NOMO1: variants seen among roughly 807,000 people sequenced by gnomAD.
NOMO1 encodes NODAL modulator 1, also known as nodal modulator 3.
Under a neutral mutation model 133.8 loss-of-function variants are expected in NOMO1, and 40 were observed. That is an observed-to-expected ratio of 0.30 (90% CI 0.23 to 0.39). The LOEUF is 0.39. Ranked by LOEUF, NOMO1 falls within the 10% of genes least tolerant of loss-of-function variation. The pLI is 1.00. For synonymous variants in NOMO1, 236 were observed against 570.5 expected (o/e 0.41, Z 8.36); for missense variants, 462 against 1,419.9 (o/e 0.33, Z 10.84).
rs62038475 is a variant in NOMO1 at position 14,875,159 on chromosome 16, T to C, written c.2178T>C (p.Asn726=). The C allele has an allele frequency of 2.5e-6, 4 of 1,591,890 alleles. No individual in the cohort carries two copies. The South Asian group carries it at 4.4e-5, about 18-fold the overall frequency. ...ARRQEREKNG[N]EEGEERMTKP... ...GGCAGGAGAGGGAGAAAAACGGCAA[T>C]GAGGAAGGCGAAGAAAGAATGACCA... is the stretch of plus-strand genomic sequence containing the variant. The change falls in exon 19 of 31, where the codon AAT becomes AAC. Residue 726 remains asparagine, a synonymous_variant. Coordinates refer to ENST00000287667, the MANE Select transcript of NOMO1 (RefSeq NM_014287.4).
chr16:14,856,766 G>C (rs2561961), intron 9 of NOMO1, among the ~76,000 whole-genome samples: 2 of 151,860 alleles, frequency 1.3e-5, no homozygotes, highest in African/African-American at 4.9e-5. Flanking sequence ...ACAGGAGGGG[G>C]CACGTGAGAC....
intron 6 of NOMO1, among the ~76,000 whole-genome samples, chr16:14,849,548 A>T: frequency 8.0e-6 from 1 of 125,300 alleles, no homozygotes; most frequent in African/African-American, 3.0e-5. Flanking sequence ...AGGAAATATG[A>T]TTTTAAATAC....
At chr16:14,860,550 G>T (rs1597100686) in intron 11 of NOMO1, among the ~76,000 whole-genome samples, 1 of 151,978 alleles carries the variant, frequency 6.6e-6, no homozygotes, top group South Asian at 2.1e-4. Flanking sequence ...TAGTGGCCGG[G>T]CCCAGGCGGC....
At chr16:14,860,422 A>G (rs1963906708) in intron 11 of NOMO1, among the ~76,000 whole-genome samples, 1 of 150,716 alleles carries the variant, frequency 6.6e-6, no homozygotes. Flanking sequence ...GGATCATGGT[A>G]CTTTAAAAAG....
In NOMO1 at chr16:14,875,063, G is replaced by A. The variant is rs1159487151; in HGVS notation, c.2082G>A (p.Leu694=). ...CTTCCATCGACAGTGAACCCGCCTT[G>A]GTCTTAGGCCCTCTGAAGTCTGTGC... is the stretch of plus-strand genomic sequence containing the variant. ...IKSSIDSEPA[L]VLGPLKSVQE... is the part of the protein sequence containing the mutation. The change falls in exon 19 of 31, where the codon TTG becomes TTA. Residue 694 remains leucine, a synonymous_variant. Transcript: ENST00000287667. 3 of 1,613,710 alleles carry A rather than the reference G, an allele frequency of 1.9e-6. No individual in the cohort carries two copies. The highest frequency in any genetic ancestry group is 2.5e-6 in the Non-Finnish European group (3 of 1,179,862).
rs1964167296 is a variant in NOMO1, at chr16:14,876,726, T to C, written c.2579T>C (p.Leu860Pro). ...TVTSQKEGYV[L>P]TAVEGTIGDF... is the part of the protein sequence containing the mutation. Reference sequence around the variant, plus strand: ...ACCTCACAGAAGGAGGGCTATGTTCTGACTGCGGTGGAAGGAACCATCGGA... The same window carrying C: ...ACCTCACAGAAGGAGGGCTATGTTCCGACTGCGGTGGAAGGAACCATCGGA... Residue 860 changes from leucine to proline, a missense_variant, in exon 22 of 31, where the codon CTG becomes CCG. Coordinates refer to ENST00000287667, the MANE Select transcript of NOMO1 (RefSeq NM_014287.4). The C allele has an allele frequency of 6.2e-7, 1 of 1,610,898 alleles. No homozygotes were observed.
chr16:14,856,248 G>T (rs1186576708), intron 9 of NOMO1, among the ~76,000 whole-genome samples: 2 of 151,892 alleles, frequency 1.3e-5, no homozygotes, highest in Non-Finnish European at 2.9e-5. Flanking sequence ...TACTAAAATG[G>T]GTTAGCAGTG....
At chr16:14,854,355 G>A (rs1308858603) in intron 9 of NOMO1, among the ~76,000 whole-genome samples, 2 of 130,160 alleles carry the variant, frequency 1.5e-5, no homozygotes, top group East Asian at 4.6e-4. Context: ...TTTTTTTTAA[G>A]ATAGGGTCTC....
chr16:14,886,930 G>A (rs979708230), intron 28 of NOMO1, 68 bp downstream of exon 28: 2 of 1,440,416 alleles, frequency 1.4e-6, no homozygotes, highest in Non-Finnish European at 1.9e-6. Context: ...GTTTAAGGAA[G>A]CACAGTTCTC....
At chr16:14,851,283 G>A (rs924137274) in intron 6 of NOMO1, among the ~76,000 whole-genome samples, 2 of 151,950 alleles carry the variant, frequency 1.3e-5, no homozygotes, top group African/African-American at 4.8e-5. Context: ...GTGACCGGAA[G>A]CAAGTGTGAG....
chr16:14,888,648 G>A (rs1399325780), intron 28 of NOMO1: 7 of 290,700 alleles, frequency 2.4e-5, no homozygotes, highest in African/African-American at 6.7e-5. Context: ...CCCTGGTGCC[G>A]TTCCAGGGAT....
intron 4 of NOMO1, among the ~76,000 whole-genome samples, chr16:14,845,484 T>TA (rs1370888595): frequency 6.6e-6 from 1 of 152,064 alleles, no homozygotes; most frequent in Non-Finnish European, 1.5e-5. Context: ...TTCTGACACT[T>TA]ACCTAGGAGG....
chr16:14,856,266 T>G (rs866040583), intron 9 of NOMO1, among the ~76,000 whole-genome samples: 3 of 151,846 alleles, frequency 2.0e-5, no homozygotes, highest in African/African-American at 7.3e-5. Flanking sequence ...GTGGTGACCT[T>G]GGGGATACAC....
rs954030887 is a variant in NOMO1 at position 14,854,375 on chromosome 16, C to G, written c.963+349C>G. Among the ~76,000 whole-genome samples the G allele has an allele frequency of 3.2e-5, 4 of 124,298 alleles. No individual in the cohort carries two copies. The Admixed American group carries it at 3.4e-4, about 10-fold the overall frequency. 81.5% of individuals were successfully genotyped at this position (124,298 alleles called of 152,430 possible). A position where few individuals can be genotyped will look rare whatever the true frequency, so the allele number is the denominator to read the frequency against. ...TTTAAGATAGGGTCTCACTGTGTGG[C>G]TCAAGCTGGAGTGCAGTGGTACGAT... is the stretch of plus-strand genomic sequence containing the variant. On this transcript the variant is annotated intron_variant, in intron 9 of 30. Coordinates refer to ENST00000287667, the MANE Select transcript of NOMO1 (RefSeq NM_014287.4).
intron 11 of NOMO1, among the ~76,000 whole-genome samples, chr16:14,860,543 TGGCCG>T (rs1286858037): frequency 6.6e-6 from 1 of 151,720 alleles, no homozygotes; most frequent in Non-Finnish European, 1.5e-5. Flanking sequence ...GATATGGTAG[TGGCCG>T]GGCCCAGGCG....
At chr16:14,856,878 G>T (rs1376855101) in intron 9 of NOMO1, among the ~76,000 whole-genome samples, 1 of 151,890 alleles carries the variant, frequency 6.6e-6, no homozygotes, top group Non-Finnish European at 1.5e-5. Context: ...GGAAGACGTG[G>T]TTCACCAAAA....
chr16:14,879,282 T>G (rs1401758512), intron 23 of NOMO1, among the ~76,000 whole-genome samples: 2 of 151,680 alleles, frequency 1.3e-5, no homozygotes, highest in African/African-American at 4.9e-5. Flanking sequence ...AAGTGTGTGT[T>G]AGTTGGTCAT....
In NOMO1 at chr16:14,878,271, A is replaced by T. The variant is rs535351633; in HGVS notation, c.2644-450A>T. Among the ~76,000 whole-genome samples the T allele has an allele frequency of 3.1e-3, 411 of 131,134 alleles. 2 individuals carry two copies. The highest frequency in any genetic ancestry group is 0.011 in the Admixed American group (143 of 12,826). The allele number at this position is 131,134 out of a possible 152,430, so 86.0% of individuals were successfully genotyped here. On this transcript the variant is annotated intron_variant, in intron 22 of 30. Coordinates refer to ENST00000287667, the MANE Select transcript of NOMO1 (RefSeq NM_014287.4). ...CACTTTGGGAGGCCCAGGCATGTGG[A>T]TTGCTTGAGCCCAGTAGTTTGAGAT...
At chr16:14,888,625 G>C in intron 28 of NOMO1, 2 of 285,082 alleles carry the variant, frequency 7.0e-6, no homozygotes, top group South Asian at 7.0e-5. Flanking sequence ...TCAGCACACA[G>C]AGCTGTGGCT....
Sources: allele counts gnomAD v4.1 joint callset (sites outside exome capture counted in the v4.1 genomes callset), GRCh38; gene constraint gnomAD v4.1.1; transcripts MANE v1.5; gene names NCBI Gene and HGNC (gene_info 2026-07-23, HGNC 2026-07-21).